PCDHGA12: variants seen among roughly 807,000 people sequenced by gnomAD.
PCDHGA12 encodes protocadherin gamma subfamily A, 12.
Under a neutral mutation model 61.1 loss-of-function variants are expected in PCDHGA12, and 43 were observed. That is an observed-to-expected ratio of 0.70 (90% CI 0.55 to 0.91). The LOEUF is 0.91. PCDHGA12 is among the 40% of genes least tolerant of loss of function. The pLI, the probability that PCDHGA12 is intolerant of heterozygous loss-of-function variation, is 0.00. For synonymous variants in PCDHGA12, 520 were observed against 542.9 expected, an observed-to-expected ratio of 0.96 and a Z score of 0.59; for missense variants, 1,236 against 1,227.7, an observed-to-expected ratio of 1.01 and a Z score of -0.10.
intron 1 of PCDHGA12, among the ~76,000 whole-genome samples, chr5:141,433,752 G>A (rs975941520): frequency 6.6e-6 from 1 of 151,206 alleles, no homozygotes; most frequent in Non-Finnish European, 1.5e-5. Context: ...CAGGAGAATT[G>A]CTTTAACCTG....
Position 141,444,232 on chromosome 5 carries a change from C to T in PCDHGA12, c.2424+11049C>T, listed in dbSNP as rs1411172798. Among the ~76,000 whole-genome samples the T allele has an allele frequency of 2.5e-5, 3 of 122,350 alleles. No individual in the cohort carries two copies. In the Admixed American group the frequency reaches 3.3e-4, roughly 14 times the overall value. The allele number at this position is 122,350 out of a possible 152,430, so 80.3% of individuals were successfully genotyped here. ...TGTTGCCCAGGCTGGAGTGCAATGG[C>T]ATGCTCTCGGCTCACTGCAACCTCC... is the stretch of plus-strand genomic sequence containing the variant. On this transcript the variant is annotated intron_variant, in intron 1 of 3. Coordinates refer to ENST00000252085, the MANE Select transcript of PCDHGA12 (RefSeq NM_003735.3).
chr5:141,499,104 C>A (rs2099789508), intron 2 of PCDHGA12, among the ~76,000 whole-genome samples: 1 of 152,120 alleles, frequency 6.6e-6, no homozygotes, highest in African/African-American at 2.4e-5. Flanking sequence ...CTTCTCCTCC[C>A]CACCACTATC....
intron 2 of PCDHGA12, among the ~76,000 whole-genome samples, chr5:141,502,431 G>A (rs998074347): frequency 1.3e-5 from 2 of 151,948 alleles, no homozygotes; most frequent in African/African-American, 4.8e-5. Context: ...TTCTCTGATG[G>A]TTAGATTCAG....
rs1048081343 is a variant in PCDHGA12 at position 141,432,618 on chromosome 5, G to C, written c.1859G>C (p.Gly620Ala). 6.2e-7 allele frequency: 1 copy of C among 1,612,806 alleles called. No individual in the cohort carries two copies. Among genetic ancestry groups the C allele is most frequent in the South Asian group, 1.1e-5 (1 of 90,950 alleles). ...KASEPGLFSVGLHTGEVRTAR... is the reference protein window; with the variant it reads ...KASEPGLFSVALHTGEVRTAR... ...AGCGAGCCGGGACTCTTCTCGGTGG[G>C]TCTGCACACGGGCGAGGTGCGCACG... Residue 620 changes from glycine to alanine, a missense_variant, in exon 1 of 4, where the codon GGT becomes GCT. Transcript: ENST00000252085. The surrounding 1 kb of genome is among the most constrained non-coding windows in gnomAD (Gnocchi z 6.0).
intron 1 of PCDHGA12, among the ~76,000 whole-genome samples, chr5:141,480,400 G>A (rs1364147575): frequency 6.8e-6 from 1 of 146,550 alleles, no homozygotes; most frequent in Non-Finnish European, 1.5e-5. Context: ...TGGCAATAGA[G>A]TGAGACCCTG....
At chr5:141,473,501 G>C (rs1053399138) in intron 1 of PCDHGA12, among the ~76,000 whole-genome samples, 7 of 152,188 alleles carry the variant, frequency 4.6e-5, no homozygotes, top group African/African-American at 1.7e-4. Context: ...GGTGTTCTGA[G>C]AGAGCATAAC....
intron 1 of PCDHGA12, among the ~76,000 whole-genome samples, chr5:141,455,603 C>T (rs1433078116): frequency 3.3e-5 from 5 of 152,190 alleles, no homozygotes; most frequent in Admixed American, 2.6e-4. Context: ...CGTAGGGCGC[C>T]ATGGATGTTC....
chr5:141,440,481 T>C (rs1451820594), intron 1 of PCDHGA12: 1 of 152,196 alleles, frequency 6.6e-6, no homozygotes, highest in African/African-American at 2.4e-5. Context: ...GAAAATTCTT[T>C]AAATGTTTTT....
At position 141,511,271 on chromosome 5, in the gene PCDHGA12, C is replaced by T. The variant is rs371445452; in HGVS notation, c.*98C>T. ...GCCTCAGAGTTTCAGGGCTAACCCC[C>T]AGAATACTGGTAGGGGCCAAGGCCA... On this transcript the variant is annotated 3_prime_UTR_variant, in exon 4 of 4. Transcript: ENST00000252085. 9.1e-6 allele frequency: 14 copies of T among 1,544,094 alleles called. No individual in the cohort carries two copies. In the African/African-American group the frequency reaches 1.6e-4, roughly 18 times the overall value.
At chr5:141,435,362 C>A (rs2097758711) in intron 1 of PCDHGA12, among the ~76,000 whole-genome samples, 1 of 152,120 alleles carries the variant, frequency 6.6e-6, no homozygotes, top group Admixed American at 6.6e-5. Flanking sequence ...AAAATTTTAT[C>A]ACTTAAATAT....
chr5:141,491,602 A>T lies in PCDHGA12; in HGVS notation c.2425-3205A>T. On this transcript the variant is annotated intron_variant, in intron 1 of 3. Transcript: ENST00000252085. The surrounding 1 kb of genome is among the most constrained non-coding windows in gnomAD (Gnocchi z 6.9). ...ACCGGCCTCGGACGGCAGTGACTTC[A>T]CTTTTCTAAGACCCCTCAGCGTTCA... is the stretch of plus-strand genomic sequence containing the variant. The T allele has an allele frequency of 6.2e-7, 1 of 1,613,838 alleles. No individual in the cohort carries two copies. Among genetic ancestry groups the T allele is most frequent in the Non-Finnish European group, 8.5e-7 (1 of 1,180,016 alleles).
At chr5:141,500,475 C>T (rs1193752670) in intron 2 of PCDHGA12, among the ~76,000 whole-genome samples, 1 of 152,024 alleles carries the variant, frequency 6.6e-6, no homozygotes, top group African/African-American at 2.4e-5. Flanking sequence ...TCCCAAAGTG[C>T]TGGGATTACA....
rs1182148013 is a variant in PCDHGA12 at position 141,431,510 on chromosome 5, G to A, written c.751G>A (p.Val251Ile). 2 of 1,613,904 alleles carry A rather than the reference G, an allele frequency of 1.2e-6. No individual in the cohort carries two copies. Among genetic ancestry groups the A allele is most frequent in the Admixed American group, 1.7e-5 (1 of 60,016 alleles). ...AFAQPEYRAS[V>I]PENLALGTQL... Reference sequence around the variant, plus strand: ...TGCTCAGCCCGAGTACCGCGCGAGCGTTCCGGAGAATCTGGCCTTGGGCAC... The same window carrying A: ...TGCTCAGCCCGAGTACCGCGCGAGCATTCCGGAGAATCTGGCCTTGGGCAC... The change falls in exon 1 of 4, where the codon GTT becomes ATT. Residue 251 changes from valine (V) to isoleucine (I), a missense_variant. By Grantham distance (29) the Val-to-Ile change is conservative. Coordinates refer to ENST00000252085, the MANE Select transcript of PCDHGA12 (RefSeq NM_003735.3). The surrounding 1 kb of genome is among the most constrained non-coding windows in gnomAD (Gnocchi z 4.8).
chr5:141,476,743 T>A lies in PCDHGA12; in HGVS notation c.2425-18064T>A. On this transcript the variant is annotated intron_variant, in intron 1 of 3. Coordinates refer to ENST00000252085, the MANE Select transcript of PCDHGA12 (RefSeq NM_003735.3). The surrounding 1 kb of genome is among the most constrained non-coding windows in gnomAD (Gnocchi z 7.6). ...CCCTGGACCGAGAACGGGAGCCTAG[T>A]CTCCAGTTAGTGCTGACGGCGTTGG... is the stretch of plus-strand genomic sequence containing the variant. The A allele has an allele frequency of 6.2e-7, 1 of 1,613,932 alleles. No individual in the cohort carries two copies. The highest frequency in any genetic ancestry group is 1.1e-5 in the South Asian group (1 of 91,064).
At chr5:141,463,460 T>TTC (rs573961569) in intron 1 of PCDHGA12, among the ~76,000 whole-genome samples, 28 of 136,126 alleles carry the variant, frequency 2.1e-4, no homozygotes, top group Admixed American at 4.4e-4. Context: ...TTTTTTTTTT[T>TTC]TTTTTTGAGA....
chr5:141,490,344 AGTGGGGTTGTTTAAT>A lies in PCDHGA12; in HGVS notation c.2425-4459_2425-4445del. The A allele has an allele frequency of 6.2e-7, 1 of 1,614,178 alleles. No individual in the cohort carries two copies. The highest frequency in any genetic ancestry group is 8.5e-7 in the Non-Finnish European group (1 of 1,180,030). ...TAGAGAGCACACCAGTGGGCACAGT[AGTGGGGTTGTTTAAT>A]GTGCGAGACCGGGACTCAGGTAGAA... On this transcript the variant is annotated intron_variant, in intron 1 of 3. Coordinates refer to ENST00000252085, the MANE Select transcript of PCDHGA12 (RefSeq NM_003735.3). This position sits in a 1 kb window ranked among gnomAD's most constrained non-coding sequence, Gnocchi z 5.4.
In PCDHGA12 at chr5:141,487,801, A is replaced by G. The variant is rs895741843; in HGVS notation, c.2425-7006A>G. The G allele has an allele frequency of 1.0e-5, 15 of 1,479,820 alleles. No individual in the cohort carries two copies. The highest frequency in any genetic ancestry group is 2.7e-6 in the Non-Finnish European group (3 of 1,095,672). The allele number at this position is 1,479,820 out of a possible 1,614,324, so 91.7% of individuals were successfully genotyped here. On this transcript the variant is annotated intron_variant, in intron 1 of 3. Coordinates refer to ENST00000252085, the MANE Select transcript of PCDHGA12 (RefSeq NM_003735.3). The surrounding 1 kb of genome is among the most constrained non-coding windows in gnomAD (Gnocchi z 5.0). ...GTTTCGTGAATTAACCAGAGTTGTC[A>G]CAGTTTAGCATTGGGGGCGGGTCAT... is the stretch of plus-strand genomic sequence containing the variant.
At chr5:141,484,943 C>T (rs542244720) in intron 1 of PCDHGA12, 14 of 546,098 alleles carry the variant, frequency 2.6e-5, no homozygotes, top group African/African-American at 2.3e-4. Flanking sequence ...GTTCTCTGCT[C>T]AGCCTATTGG....
intron 1 of PCDHGA12, among the ~76,000 whole-genome samples, chr5:141,465,984 T>C (rs11953841): frequency 0.18 from 27,399 of 151,848 alleles, 2,640 homozygotes; most frequent in Admixed American, 0.28. Context: ...TAGCCGGGCA[T>C]GGTGGCAGGC....
Sources: gnomAD v4.1 joint callset for allele counts (sites outside exome capture counted in the v4.1 genomes callset) on GRCh38, gnomAD v4.1.1 for gene constraint, Gnocchi (gnomAD v3.1) non-coding constraint, MANE v1.5 for transcripts, NCBI Gene and HGNC (gene_info 2026-07-23, HGNC 2026-07-21) for gene names.